ADAP1: variants seen among roughly 807,000 people sequenced by gnomAD.
ADAP1 encodes the protein arf-GAP with dual PH domain-containing protein 1.
Under a neutral mutation model 54.9 loss-of-function variants are expected in ADAP1, and 31 were observed. That is an observed-to-expected ratio of 0.56 (90% CI 0.42 to 0.76). ADAP1 has a LOEUF of 0.76. ADAP1 is among the 30% of genes least tolerant of loss of function. The pLI, the probability that ADAP1 is intolerant of heterozygous loss-of-function variation, is 0.00. For missense variants in ADAP1, 535 were observed against 512.4 expected (o/e 1.04, Z -0.42); for synonymous variants, 313 against 202.6 (o/e 1.55, Z -4.63).
rs1846839438 is a variant in ADAP1 at position 938,269 on chromosome 7, C to T, written c.83-2764G>A. ...GCTCACAGCTCACTGCAGCCTCCAA[C>T]GCCTGGGCTCAAGCGATCCTCCTGC... On this transcript the variant is annotated intron_variant, in intron 1 of 10. Transcript: ENST00000265846. This position sits in a 1 kb window ranked among gnomAD's most constrained non-coding sequence, Gnocchi z 4.4. Among the ~76,000 whole-genome samples the T allele has an allele frequency of 2.0e-5, 3 of 152,104 alleles. No homozygotes were observed. Among genetic ancestry groups the T allele is most frequent in the Non-Finnish European group, 1.5e-5 (1 of 68,014 alleles).
Position 926,743 on chromosome 7 carries a change from C to G in ADAP1, c.214-99G>C. On this transcript the variant is annotated intron_variant, in intron 2 of 10. Transcript: ENST00000265846. This position sits in a 1 kb window ranked among gnomAD's most constrained non-coding sequence, Gnocchi z 4.6. The stretch of plus-strand genomic sequence containing the variant: ...GGCCGTCACCACAGTGACCCGCAGA[C>G]CCAAGGCTCTGAGGGCTCCACCAGC... 2 of 1,000,068 alleles carry G rather than the reference C, an allele frequency of 2.0e-6. No individual in the cohort carries two copies. Among genetic ancestry groups the G allele is most frequent in the South Asian group, 1.7e-5 (1 of 57,574 alleles). The allele number at this position is 1,000,068 out of a possible 1,614,324, so 61.9% of individuals were successfully genotyped here.
chr7:915,066 G>A (rs1051342021), intron 4 of ADAP1, among the ~76,000 whole-genome samples: 6 of 108,910 alleles, frequency 5.5e-5, no homozygotes, highest in South Asian at 2.8e-4. Context: ...CCTCCTGCGC[G>A]ACCTGGAAGG....
At chr7:944,131 G>T (rs953363612) in intron 1 of ADAP1, among the ~76,000 whole-genome samples, 5 of 152,098 alleles carry the variant, frequency 3.3e-5, no homozygotes, top group East Asian at 1.9e-4. Flanking sequence ...TGCCCAGGCT[G>T]GTCTCTAACT....
intron 2 of ADAP1, among the ~76,000 whole-genome samples, chr7:934,376 C>G (rs1222087293): frequency 7.9e-6 from 1 of 126,520 alleles, no homozygotes; most frequent in African/African-American, 2.9e-5. Context: ...GTGCCAGAGT[C>G]AGTGGTGTTG....
intron 7 of ADAP1, 51 bp downstream of exon 7, chr7:900,482 C>T (rs76452120): frequency 1.4e-6 from 2 of 1,389,234 alleles, no homozygotes; most frequent in Admixed American, 1.9e-5. Context: ...GTCCACCCCC[C>T]ACCCCACCAC....
intron 4 of ADAP1, 102 bp from the exon 5 acceptor site, chr7:905,274 G>GGGGACACGGACGT: frequency 4.4e-6 from 2 of 459,738 alleles, no homozygotes; most frequent in Non-Finnish European, 7.0e-6. Flanking sequence ...AGAAGACACG[G>GGGGACACGGACGT]GGGACACGGA....
At chr7:928,499 C>G (rs1846461798) in intron 2 of ADAP1, among the ~76,000 whole-genome samples, 1 of 152,346 alleles carries the variant, frequency 6.6e-6, no homozygotes, top group East Asian at 1.9e-4. Flanking sequence ...GGGCTGGTCT[C>G]AAACTCCTGG....
chr7:932,784 A>G (rs1846625554), intron 2 of ADAP1, among the ~76,000 whole-genome samples: 2 of 152,090 alleles, frequency 1.3e-5, no homozygotes, highest in Non-Finnish European at 2.9e-5. Context: ...GAAGGCGGTG[A>G]GCCCAAGGTG....
At chr7:936,304 G>A (rs1288517503) in intron 1 of ADAP1, among the ~76,000 whole-genome samples, 8 of 152,106 alleles carry the variant, frequency 5.3e-5, no homozygotes, top group Non-Finnish European at 1.0e-4. Context: ...GGGTTCAAGC[G>A]ATTCTCCTGC....
At position 898,965 on chromosome 7, in the gene ADAP1, G is replaced by A. The variant is rs757240209; in HGVS notation, c.1097-16C>T. 8.1e-6 allele frequency: 13 copies of A among 1,611,514 alleles called. No individual in the cohort carries two copies. The highest frequency in any genetic ancestry group is 6.7e-5 in the Admixed American group (4 of 59,842). On this transcript the variant is annotated splice_polypyrimidine_tract_variant and intron_variant, in intron 10 of 10. Coordinates refer to ENST00000265846, the MANE Select transcript of ADAP1 (RefSeq NM_006869.4). ...TGCGCCTCCACTGCAACGGAACAGG[G>A]TCCAGCGTTGTCACAGCGGCGGGGA...
Position 920,367 on chromosome 7 carries a change from C to A in ADAP1, c.306-317G>T, listed in dbSNP as rs1043078569. Among the ~76,000 whole-genome samples the A allele has an allele frequency of 6.6e-6, 1 of 152,106 alleles. No individual in the cohort carries two copies. Among genetic ancestry groups the A allele is most frequent in the African/African-American group, 2.4e-5 (1 of 41,404 alleles). On this transcript the variant is annotated intron_variant, in intron 3 of 10. Coordinates refer to ENST00000265846, the MANE Select transcript of ADAP1 (RefSeq NM_006869.4). The surrounding 1 kb of genome is among the most constrained non-coding windows in gnomAD (Gnocchi z 4.5). ...CTTCCCACCTTGGCCTCAGCTGATG[C>A]CCCACAGGGCTGGGGTACAGGGGTT...
chr7:953,023 G>A (rs1197552181), intron 1 of ADAP1, among the ~76,000 whole-genome samples: 1 of 152,140 alleles, frequency 6.6e-6, no homozygotes, highest in Non-Finnish European at 1.5e-5. Context: ...CCCAGGCTGT[G>A]TGGCCAGGGA....
At chr7:905,609 A>G (rs1288444134) in intron 4 of ADAP1, 80 of 77,294 alleles carry the variant, frequency 1.0e-3, no homozygotes, top group African/African-American at 2.6e-3. Context: ...AGGAGAAAGG[A>G]GAAAGGAGAA....
chr7:900,893 C>CGGGCT (rs771011116), intron 6 of ADAP1: 8 of 592,278 alleles, frequency 1.4e-5, no homozygotes, highest in Non-Finnish European at 2.3e-5. Flanking sequence ...AGGGCCGGGC[C>CGGGCT]GGGCCGGGCT....
rs1846150835 is a variant in ADAP1 at position 920,514 on chromosome 7, G to A, written c.306-464C>T. ...CCTCCACCCACCGTGCTGCCACCTT[G>A]CACCCCCCGTGCCGCCCTCCACCCG... On this transcript the variant is annotated intron_variant, in intron 3 of 10. Transcript: ENST00000265846. The surrounding 1 kb of genome is among the most constrained non-coding windows in gnomAD (Gnocchi z 4.5). Among the ~76,000 whole-genome samples the A allele has an allele frequency of 6.7e-6, 1 of 150,220 alleles. No homozygotes were observed. Among genetic ancestry groups the A allele is most frequent in the African/African-American group, 2.5e-5 (1 of 40,710 alleles).
chr7:955,390 G>A, upstream of ADAP1: 4 of 1,550,128 alleles, frequency 2.6e-6, no homozygotes, highest in Non-Finnish European at 3.5e-6. Context: ...ACACCCGGCT[G>A]AAAACAAACT....
intron 1 of ADAP1, among the ~76,000 whole-genome samples, chr7:939,056 C>T (rs910485707): frequency 6.6e-6 from 1 of 152,164 alleles, no homozygotes; most frequent in Non-Finnish European, 1.5e-5. Flanking sequence ...TCATGGAACC[C>T]GTAGCAGGAG....
chr7:902,823 G>A (rs1375726861), intron 6 of ADAP1, among the ~76,000 whole-genome samples: 8 of 152,242 alleles, frequency 5.3e-5, no homozygotes, highest in South Asian at 4.1e-4. Flanking sequence ...TCAAAACCGC[G>A]GGACAAACGT....
chr7:902,738 G>C (rs183371649), intron 6 of ADAP1, among the ~76,000 whole-genome samples: 1 of 151,814 alleles, frequency 6.6e-6, no homozygotes, highest in East Asian at 1.9e-4. Flanking sequence ...GGACTGGAAG[G>C]GCCACCCTGG....
Sources: allele counts gnomAD v4.1 joint callset (sites outside exome capture counted in the v4.1 genomes callset), GRCh38; gene constraint gnomAD v4.1.1; non-coding constraint Gnocchi (gnomAD v3.1); transcripts MANE v1.5; gene names NCBI Gene and HGNC (gene_info 2026-07-23, HGNC 2026-07-21).